CEP128: variants seen among roughly 807,000 people sequenced by gnomAD.
The protein encoded by CEP128 is centrosomal protein 128.
Under a neutral mutation model 156.7 loss-of-function variants are expected in CEP128, and 132 were observed. That is an observed-to-expected ratio of 0.84 (90% CI 0.73 to 0.97). The LOEUF (loss-of-function observed/expected upper bound fraction) is 0.97, where lower values mean the gene tolerates loss of function less well. Among genes scored for constraint, CEP128 ranks in the 50% least tolerant of loss-of-function variants. The pLI, the probability that CEP128 is intolerant of heterozygous loss-of-function variation, is 0.00. For synonymous variants in CEP128, 469 were observed against 448.9 expected, an observed-to-expected ratio of 1.04 and a Z score of -0.57; for missense variants, 1,252 against 1,281.9, an observed-to-expected ratio of 0.98 and a Z score of 0.36.
At chr14:80,830,028 A>G in intron 13 of CEP128, 1 of 374,502 alleles carries the variant, frequency 2.7e-6, no homozygotes, top group Middle Eastern at 5.7e-4. Flanking sequence ...TTTTAGATCT[A>G]TCCAACATAC....
intron 19 of CEP128, among the ~76,000 whole-genome samples, chr14:80,630,139 C>A (rs1051214514): frequency 6.6e-6 from 1 of 151,868 alleles, no homozygotes; most frequent in Non-Finnish European, 1.5e-5. Flanking sequence ...GTAGACGTAT[C>A]GGTTATACTA....
chr14:80,751,882 C>T (rs1462198770), intron 18 of CEP128, among the ~76,000 whole-genome samples: 1 of 152,088 alleles, frequency 6.6e-6, no homozygotes, highest in Admixed American at 6.6e-5. Context: ...CTATCCACCT[C>T]GGCCTCTCAA....
chr14:80,597,963 AAAAAAAAC>A (rs1281706795), intron 19 of CEP128, among the ~76,000 whole-genome samples: 3 of 149,694 alleles, frequency 2.0e-5, no homozygotes, highest in Admixed American at 6.6e-5. Context: ...AAAAAAAAAA[AAAAAAAAC>A]AAAACCCTAT....
Position 80,638,287 on chromosome 14 carries a change from C to A in CEP128, c.2807-57864G>T, listed in dbSNP as rs532957339. Among the ~76,000 whole-genome samples, 177 of 152,288 alleles carry A rather than the reference C, an allele frequency of 1.2e-3. 1 individual carries two copies. Among genetic ancestry groups the A allele is most frequent in the African/African-American group, 4.2e-3 (174 of 41,562 alleles). On this transcript the variant is annotated intron_variant, in intron 19 of 24. Transcript: ENST00000555265. The stretch of plus-strand genomic sequence containing the variant: ...TGAATACTTTAGGCCACGTAAAACT[C>A]TCCCATCTGTGTGCAAAGATAATAC...
chr14:80,879,604 C>T (rs1233185436), intron 8 of CEP128, among the ~76,000 whole-genome samples: 2 of 151,572 alleles, frequency 1.3e-5, no homozygotes, highest in Non-Finnish European at 2.9e-5. Context: ...ACAGAAGAGA[C>T]AGTTTGTGAA....
intron 19 of CEP128, among the ~76,000 whole-genome samples, chr14:80,590,154 T>C (rs1891987716): frequency 6.6e-6 from 1 of 152,130 alleles, no homozygotes; most frequent in South Asian, 2.1e-4. Flanking sequence ...AGGACATGAA[T>C]CCTCACAGAA....
chr14:80,582,620 C>T (rs1891638190), intron 19 of CEP128, among the ~76,000 whole-genome samples: 1 of 151,702 alleles, frequency 6.6e-6, no homozygotes, highest in South Asian at 2.1e-4. Context: ...ATTGTTAATC[C>T]CAAAAGGATT....
chr14:80,501,280 T>C (rs1887719854), intron 24 of CEP128, among the ~76,000 whole-genome samples: 1 of 152,040 alleles, frequency 6.6e-6, no homozygotes, highest in Non-Finnish European at 1.5e-5. Flanking sequence ...AGAAAGGATG[T>C]GGTAGGGTAG....
At chr14:80,632,790 T>C (rs544671638) in intron 19 of CEP128, among the ~76,000 whole-genome samples, 2 of 152,202 alleles carry the variant, frequency 1.3e-5, no homozygotes, top group African/African-American at 4.8e-5. Context: ...GGGAGTGGAA[T>C]TGCTGAGTCA....
chr14:80,484,710 C>T (rs751361154), intron 14 of CEP128, among the ~76,000 whole-genome samples: 1 of 152,206 alleles, frequency 6.6e-6, no homozygotes, highest in Non-Finnish European at 1.5e-5. Context: ...ACTAGGGTTA[C>T]AGACCACAGG....
chr14:80,547,023 C>G (rs1470532199), intron 21 of CEP128, among the ~76,000 whole-genome samples: 1 of 152,104 alleles, frequency 6.6e-6, no homozygotes, highest in African/African-American at 2.4e-5. Flanking sequence ...AATAAAAGCT[C>G]TAAACAAACT....
At chr14:80,669,589 G>T (rs1895757702) in intron 19 of CEP128, among the ~76,000 whole-genome samples, 1 of 152,092 alleles carries the variant, frequency 6.6e-6, no homozygotes, top group Non-Finnish European at 1.5e-5. Flanking sequence ...AATAATCAGA[G>T]AATGCAAATT....
chr14:80,894,626 C>A (rs865917697), intron 8 of CEP128: 1 of 476,494 alleles, frequency 2.1e-6, no homozygotes. Context: ...TTGTCTACTT[C>A]AGCAGAAGAC....
chr14:80,540,971 T>A (rs1889729269), intron 21 of CEP128, among the ~76,000 whole-genome samples: 1 of 152,220 alleles, frequency 6.6e-6, no homozygotes, highest in South Asian at 2.1e-4. Context: ...ATGTCATATA[T>A]GTCCACAAAA....
intron 2 of CEP128, among the ~76,000 whole-genome samples, chr14:80,927,153 A>G (rs1885195885): frequency 6.6e-6 from 1 of 152,182 alleles, no homozygotes. Flanking sequence ...CTCCTAGGGT[A>G]AGGGGGCGTG....
In CEP128 at chr14:80,740,070, A is replaced by G. The variant is rs1010237111; in HGVS notation, c.2806+3005T>C. Among the ~76,000 whole-genome samples, 24 of 152,150 alleles carry G rather than the reference A, an allele frequency of 1.6e-4. 1 individual carries two copies. Among genetic ancestry groups the G allele is most frequent in the African/African-American group, 5.5e-4 (23 of 41,444 alleles). ...GTCTTTCTAAATCTAAACTTTGGGGAAAAACTATGCTTTCTTTTGGAAGAG... is the reference window on the plus strand; with the variant it reads ...GTCTTTCTAAATCTAAACTTTGGGGGAAAACTATGCTTTCTTTTGGAAGAG... On this transcript the variant is annotated intron_variant, in intron 19 of 24. Transcript: ENST00000555265.
chr14:80,722,091 T>C (rs1337626031), intron 19 of CEP128, among the ~76,000 whole-genome samples: 3 of 152,200 alleles, frequency 2.0e-5, no homozygotes, highest in Non-Finnish European at 4.4e-5. Flanking sequence ...AGTAGTTCTC[T>C]AAAAGAAATG....
rs201672149 is a variant in CEP128, at chr14:80,816,827, CA to C, written c.1209+14315del. Among the ~76,000 whole-genome samples the C allele has an allele frequency of 6.0e-3, 911 of 152,124 alleles. 9 individuals are homozygous for C. Among genetic ancestry groups the C allele is most frequent in the African/African-American group, 0.021 (874 of 41,512 alleles). On this transcript the variant is annotated intron_variant, in intron 13 of 24. Transcript: ENST00000555265. ...ACAGTGGATCAGCTAACAAAAAAAT[CA>C]AACAAAGAGACGGCTAAGAGCCCTC...
chr14:80,811,925 T>C (rs1022272321), intron 13 of CEP128, among the ~76,000 whole-genome samples: 26 of 152,284 alleles, frequency 1.7e-4, no homozygotes, highest in Middle Eastern at 6.8e-3. Flanking sequence ...GTTTTTAAAT[T>C]TTTTCCAATT....
Sources: allele counts gnomAD v4.1 joint callset (sites outside exome capture counted in the v4.1 genomes callset), GRCh38; gene constraint gnomAD v4.1.1; transcripts MANE v1.5; gene names NCBI Gene and HGNC (gene_info 2026-07-23, HGNC 2026-07-21).